The following RASSF6 variants were observed in gnomAD, a reference collection of about 807,000 sequenced individuals.
RASSF6 encodes ras association domain-containing protein 6.
In RASSF6, 52 loss-of-function variants were observed where a neutral mutation model predicts 44.0. The observed-to-expected ratio is 1.18, with a 90% confidence interval of 0.95 to 1.49. RASSF6 has a LOEUF of 1.49. Among genes scored for constraint, RASSF6 ranks in the 40% most tolerant of loss-of-function variants. RASSF6 has a pLI of 0.00. For synonymous variants in RASSF6, 162 were observed against 124.6 expected, an observed-to-expected ratio of 1.30 and a Z score of -2.00; for missense variants, 464 against 393.3, an observed-to-expected ratio of 1.18 and a Z score of -1.52.
At chr4:73,603,029 A>G (rs1725386008) in intron 2 of RASSF6, among the ~76,000 whole-genome samples, 2 of 152,126 alleles carry the variant, frequency 1.3e-5, no homozygotes, top group African/African-American at 2.4e-5. Flanking sequence ...CGGAGCTTGC[A>G]GTGAGCCCAG....
At chr4:73,612,239 G>T (rs1422713069) in intron 1 of RASSF6, among the ~76,000 whole-genome samples, 1 of 152,102 alleles carries the variant, frequency 6.6e-6, no homozygotes, top group Non-Finnish European at 1.5e-5. Context: ...AGTTGATTAG[G>T]TATGATGTAA....
upstream of RASSF6, chr4:73,620,452 C>G: frequency 6.5e-7 from 1 of 1,547,130 alleles, no homozygotes; most frequent in South Asian, 1.2e-5. Context: ...TAGGGGAGGT[C>G]CGAGGCCCGC....
At chr4:73,611,932 G>C (rs1726045317) in intron 1 of RASSF6, 103 bp from the exon 2 acceptor site, 1 of 663,548 alleles carries the variant, frequency 1.5e-6, no homozygotes, top group Non-Finnish European at 2.5e-6. Flanking sequence ...GTATAAGAAG[G>C]TTTTAGAAAG....
chr4:73,585,437 G>A, intron 5 of RASSF6, 73 bp from the exon 6 acceptor site: 1 of 1,006,798 alleles, frequency 9.9e-7, no homozygotes, highest in South Asian at 2.7e-5. Flanking sequence ...ATTTGTGTAT[G>A]CTTTCATTAA....
intron 2 of RASSF6, among the ~76,000 whole-genome samples, chr4:73,607,551 C>G: frequency 6.6e-6 from 1 of 152,272 alleles, no homozygotes; most frequent in South Asian, 2.1e-4. Context: ...GAACTGGGTT[C>G]CTTCCCTCAG....
At chr4:73,595,351 G>A (rs552327122) in intron 3 of RASSF6, among the ~76,000 whole-genome samples, 2 of 152,036 alleles carry the variant, frequency 1.3e-5, no homozygotes, top group Non-Finnish European at 2.9e-5. Flanking sequence ...GCACCACCAT[G>A]CCTGGGTAAT....
intron 4 of RASSF6, among the ~76,000 whole-genome samples, chr4:73,588,205 G>A (rs1724256344): frequency 6.6e-6 from 1 of 152,000 alleles, no homozygotes; most frequent in South Asian, 2.1e-4. Flanking sequence ...TATAGATTCT[G>A]TAAAACATAT....
intron 8 of RASSF6, among the ~76,000 whole-genome samples, chr4:73,577,551 A>T (rs1006551302): frequency 6.6e-6 from 1 of 152,178 alleles, no homozygotes; most frequent in South Asian, 2.1e-4. Context: ...TCCCAGGAAA[A>T]GAGTCAAGAG....
At chr4:73,593,397 A>G in intron 4 of RASSF6, 54 bp downstream of exon 4, 1 of 1,532,536 alleles carries the variant, frequency 6.5e-7, no homozygotes, top group Non-Finnish European at 8.9e-7. Context: ...CACGCAATAA[A>G]ACTAGATATG....
intron 1 of RASSF6, among the ~76,000 whole-genome samples, chr4:73,619,536 G>A (rs1483701502): frequency 6.6e-6 from 1 of 152,168 alleles, no homozygotes; most frequent in Non-Finnish European, 1.5e-5. Context: ...ATCACTTACA[G>A]AACACTTGCT....
At chr4:73,581,531 G>A (rs576320449) in intron 8 of RASSF6, among the ~76,000 whole-genome samples, 1 of 152,306 alleles carries the variant, frequency 6.6e-6, no homozygotes, top group African/African-American at 2.4e-5. Context: ...AGACAAAAGT[G>A]CCGAAACAGT....
chr4:73,578,272 A>T (rs1382015220), intron 8 of RASSF6, among the ~76,000 whole-genome samples: 1 of 152,230 alleles, frequency 6.6e-6, no homozygotes, highest in Non-Finnish European at 1.5e-5. Flanking sequence ...CTAAAGTTAG[A>T]GGTGTGAGGA....
intron 3 of RASSF6, among the ~76,000 whole-genome samples, chr4:73,594,213 CATAA>C (rs1724775608): frequency 6.6e-6 from 1 of 152,150 alleles, no homozygotes; most frequent in African/African-American, 2.4e-5. Context: ...TGAATTAAAG[CATAA>C]ATAATCATTA....
intron 1 of RASSF6, among the ~76,000 whole-genome samples, chr4:73,613,067 T>A (rs746645675): frequency 5.3e-5 from 8 of 152,326 alleles, no homozygotes; most frequent in Non-Finnish European, 1.0e-4. Flanking sequence ...CCCCATGTCC[T>A]TTGAATCCAC....
At chr4:73,611,299 T>G (rs183996671) in intron 2 of RASSF6, among the ~76,000 whole-genome samples, 41 of 152,288 alleles carry the variant, frequency 2.7e-4, no homozygotes, top group Non-Finnish European at 4.4e-5. Context: ...CTGTGGATGT[T>G]GGCCATATAT....
intron 1 of RASSF6, among the ~76,000 whole-genome samples, chr4:73,613,293 C>T (rs376558264): frequency 1.1e-4 from 16 of 152,238 alleles, no homozygotes; most frequent in African/African-American, 3.1e-4. Flanking sequence ...TAATTCTATA[C>T]GTCAGAAGCC....
At chr4:73,603,560 G>A (rs1052073540) in intron 2 of RASSF6, among the ~76,000 whole-genome samples, 5 of 152,060 alleles carry the variant, frequency 3.3e-5, no homozygotes, top group Admixed American at 6.5e-5. Flanking sequence ...GAGTAATAGT[G>A]GACCCAGAGT....
chr4:73,576,366 C>T, intron 10 of RASSF6, 44 bp downstream of exon 10: 1 of 1,456,562 alleles, frequency 6.9e-7, no homozygotes. Context: ...GTGCATTGGA[C>T]ATATTAAAGA....
In RASSF6 at chr4:73,587,844, C is replaced by G; in HGVS notation, c.378G>C (p.Gln126His). The G allele has an allele frequency of 5.0e-6, 8 of 1,602,554 alleles. No individual in the cohort carries two copies. Among genetic ancestry groups the G allele is most frequent in the Non-Finnish European group, 6.8e-6 (8 of 1,170,902 alleles). The change falls in exon 5 of 11, where the codon CAG becomes CAC. Residue 126 changes from glutamine (Q) to histidine (H), a missense_variant. By Grantham distance (24) the Gln-to-His change is conservative. Transcript: ENST00000307439. ...QIPMSEKRNSQEDYLSYHSNT... is the reference protein window; with the variant it reads ...QIPMSEKRNSHEDYLSYHSNT... ...CAATAAGATTTTGATACTGACCTTC[C>G]TGGGAATTCCTTTTTTCAGACATAG...
Sources: allele counts gnomAD v4.1 joint callset (sites outside exome capture counted in the v4.1 genomes callset), GRCh38; gene constraint gnomAD v4.1.1; transcripts MANE v1.5; gene names NCBI Gene and HGNC (gene_info 2026-07-23, HGNC 2026-07-21).